Variants in PEX3 observed in about 807,000 individuals in gnomAD.
PEX3 encodes peroxin-3.
A neutral mutation model predicts 55.8 loss-of-function variants in PEX3; 30 were observed. That is an observed-to-expected ratio of 0.54 (90% CI 0.40 to 0.73). The LOEUF (loss-of-function observed/expected upper bound fraction) is 0.73. PEX3 is among the 30% of genes least tolerant of loss of function. PEX3 has a pLI of 0.00. For synonymous variants in PEX3, 135 were observed against 148.4 expected (o/e 0.91, Z 0.66); for missense variants, 351 against 432.8 (o/e 0.81, Z 1.68).
At chr6:143,480,896 C>T (rs1221552991) in intron 10 of PEX3, among the ~76,000 whole-genome samples, 4 of 152,036 alleles carry the variant, frequency 2.6e-5, no homozygotes, top group Non-Finnish European at 5.9e-5. Flanking sequence ...CCTGTAGTCC[C>T]AGCTAATTGG....
chr6:143,454,924 A>G lies in PEX3; in HGVS notation c.73+3809A>G, dbSNP rs749349616. 1.4e-4 allele frequency among the ~76,000 whole-genome samples: 22 copies of G among 152,254 alleles called. No homozygotes were observed. Among genetic ancestry groups the G allele is most frequent in the Non-Finnish European group, 2.6e-4 (18 of 68,044 alleles). ...TAGAGTACAGATTGTGAAGGGCCTTATGAAGCCATTCTACATAATTTGGAC... is the reference window on the plus strand; with the variant it reads ...TAGAGTACAGATTGTGAAGGGCCTTGTGAAGCCATTCTACATAATTTGGAC... On this transcript the variant is annotated intron_variant, in intron 1 of 11. Transcript: ENST00000367591. This position sits in a 1 kb window ranked among gnomAD's most constrained non-coding sequence, Gnocchi z 4.3.
chr6:143,472,387 CT>C lies in PEX3; in HGVS notation c.747+60del, dbSNP rs772589058. The stretch of plus-strand genomic sequence containing the variant: ...TACTCTATTCTTTTAAAATTTTACT[CT>C]CTTGAAATTTTGATTTCTGAGTCTC... On this transcript the variant is annotated intron_variant, in intron 8 of 11. Coordinates refer to ENST00000367591, the MANE Select transcript of PEX3 (RefSeq NM_003630.3). 1.4e-4 allele frequency: 179 copies of C among 1,258,586 alleles called. 1 individual carries two copies. Among genetic ancestry groups the C allele is most frequent in the Middle Eastern group, 2.2e-4 (1 of 4,520 alleles). 78.0% of individuals were successfully genotyped at this position (1,258,586 alleles called of 1,614,324 possible).
Position 143,489,384 on chromosome 6 carries a change from A to C in PEX3, c.*158A>C. 1 of 582,392 alleles carries C rather than the reference A, an allele frequency of 1.7e-6. No individual in the cohort carries two copies. The highest frequency in any genetic ancestry group is 2.0e-5 in the South Asian group (1 of 50,754). 36.1% of individuals were successfully genotyped at this position (582,392 alleles called of 1,614,324 possible). On this transcript the variant is annotated 3_prime_UTR_variant, in exon 12 of 12. Coordinates refer to ENST00000367591, the MANE Select transcript of PEX3 (RefSeq NM_003630.3). The surrounding 1 kb of genome is among the most constrained non-coding windows in gnomAD (Gnocchi z 5.5). ...TCATAATGAAATCAATTTATTTGGCATCTTAATATATTTTTTTAGATTCAT... is the reference window on the plus strand; with the variant it reads ...TCATAATGAAATCAATTTATTTGGCCTCTTAATATATTTTTTTAGATTCAT...
chr6:143,487,914 A>G lies in PEX3; in HGVS notation c.1039-1229A>G, dbSNP rs1780341532. 6.6e-6 allele frequency among the ~76,000 whole-genome samples: 1 copy of G among 152,152 alleles called. No individual in the cohort carries two copies. Among genetic ancestry groups the G allele is most frequent in the East Asian group, 1.9e-4 (1 of 5,206 alleles). On this transcript the variant is annotated intron_variant, in intron 11 of 11. Coordinates refer to ENST00000367591, the MANE Select transcript of PEX3 (RefSeq NM_003630.3). This position sits in a 1 kb window ranked among gnomAD's most constrained non-coding sequence, Gnocchi z 5.3. ...AACAAATGCCCTAAAATCAGGAACA[A>G]TAGTAGGTTATATATTTTATCTTCT...
rs1282068843 is a variant in PEX3 at position 143,454,578 on chromosome 6, C to G, written c.73+3463C>G. On this transcript the variant is annotated intron_variant, in intron 1 of 11. Transcript: ENST00000367591. The surrounding 1 kb of genome is among the most constrained non-coding windows in gnomAD (Gnocchi z 4.3). ...AAGTGACTGATCTCACTGTACTTTA[C>G]TCTGGAAATACAAAGGAATAAGACA... is the stretch of plus-strand genomic sequence containing the variant. 6.6e-6 allele frequency among the ~76,000 whole-genome samples: 1 copy of G among 152,192 alleles called. No individual in the cohort carries two copies. Among genetic ancestry groups the G allele is most frequent in the Non-Finnish European group, 1.5e-5 (1 of 68,036 alleles).
chr6:143,478,821 A>T (rs1265957671), intron 9 of PEX3, among the ~76,000 whole-genome samples: 1 of 152,134 alleles, frequency 6.6e-6, no homozygotes, highest in Non-Finnish European at 1.5e-5. Context: ...ACTAGTACTG[A>T]TATTTTTTAA....
chr6:143,459,500 A>AG lies in PEX3; in HGVS notation c.205+286dup, dbSNP rs1449093815. Among the ~76,000 whole-genome samples, 1 of 152,224 alleles carries AG rather than the reference A, an allele frequency of 6.6e-6. No homozygotes were observed. Among genetic ancestry groups the AG allele is most frequent in the Admixed American group, 6.5e-5 (1 of 15,276 alleles). ...CCTTTGGAGTTTATATTCTAGGGAG[A>AG]GGAAAAGATGATAAACAACAAATAA... On this transcript the variant is annotated intron_variant, in intron 2 of 11. Coordinates refer to ENST00000367591, the MANE Select transcript of PEX3 (RefSeq NM_003630.3). The surrounding 1 kb of genome is among the most constrained non-coding windows in gnomAD (Gnocchi z 4.2).
At chr6:143,468,943 A>C (rs1005709406) in intron 4 of PEX3, among the ~76,000 whole-genome samples, 3 of 151,530 alleles carry the variant, frequency 2.0e-5, no homozygotes, top group Non-Finnish European at 4.4e-5. Flanking sequence ...CTGTCCTTGC[A>C]ATAGTTTGCT....
At chr6:143,460,724 C>T (rs879863449) in intron 2 of PEX3, among the ~76,000 whole-genome samples, 4 of 151,864 alleles carry the variant, frequency 2.6e-5, no homozygotes, top group Admixed American at 6.6e-5. Context: ...ATTAGCCGGG[C>T]GTGGTGTTGC....
At chr6:143,457,663 A>G (rs1421004299) in intron 1 of PEX3, among the ~76,000 whole-genome samples, 1 of 152,200 alleles carries the variant, frequency 6.6e-6, no homozygotes, top group Non-Finnish European at 1.5e-5. Context: ...GTAGGTGAGC[A>G]TTAGTTAATT....
intron 4 of PEX3, among the ~76,000 whole-genome samples, chr6:143,470,097 G>A (rs954350142): frequency 6.6e-5 from 10 of 151,966 alleles, no homozygotes; most frequent in Admixed American, 1.3e-4. Context: ...CTACAGGTGC[G>A]TGCTGCCATG....
chr6:143,467,671 A>T (rs1584008121), intron 3 of PEX3, among the ~76,000 whole-genome samples: 1 of 152,172 alleles, frequency 6.6e-6, no homozygotes, highest in South Asian at 2.1e-4. Context: ...GAAGTGAAAG[A>T]TGGGCAGTTT....
chr6:143,474,646 G>A (rs1051939838), intron 8 of PEX3, 140 bp from the exon 9 acceptor site: 1 of 645,030 alleles, frequency 1.6e-6, no homozygotes, highest in Non-Finnish European at 2.8e-6. Flanking sequence ...TTATTTTGGT[G>A]GGGGAGGGTC....
In PEX3 at chr6:143,474,815, C is replaced by T; in HGVS notation, c.777C>T (p.Thr259=). The T allele has an allele frequency of 6.3e-7, 1 of 1,595,276 alleles. No homozygotes were observed. Among genetic ancestry groups the T allele is most frequent in the Non-Finnish European group, 8.6e-7 (1 of 1,163,098 alleles). ...QACGLSPRDI[T]TIKLLNETRD... is the part of the protein sequence containing the mutation. ...GTGGACTTTCTCCTCGAGACATTAC[C>T]ACTATTAAACTTCTCAATGAAACTA... Residue 259 remains threonine (T), a synonymous_variant, in exon 9 of 12, where the codon ACC becomes ACT. Transcript: ENST00000367591.
intron 10 of PEX3, among the ~76,000 whole-genome samples, chr6:143,481,059 AGTATATTATTTACGT>A (rs1780232887): frequency 6.6e-6 from 1 of 151,538 alleles, no homozygotes; most frequent in South Asian, 2.1e-4. Context: ...AAAGACACAA[AGTATATTATTTACGT>A]GTATTATAAT....
rs556334764 is a variant in PEX3, at chr6:143,454,108, T to C, written c.73+2993T>C. Among the ~76,000 whole-genome samples, 4 of 152,190 alleles carry C rather than the reference T, an allele frequency of 2.6e-5. No homozygotes were observed. In the South Asian group the frequency reaches 8.3e-4, roughly 32 times the overall value. On this transcript the variant is annotated intron_variant, in intron 1 of 11. Coordinates refer to ENST00000367591, the MANE Select transcript of PEX3 (RefSeq NM_003630.3). This position sits in a 1 kb window ranked among gnomAD's most constrained non-coding sequence, Gnocchi z 4.3. ...ATAACATTTTCAAAAAATTAATGAGTGTCATTGTTTTACATTTTGCAAATC... is the reference window on the plus strand; with the variant it reads ...ATAACATTTTCAAAAAATTAATGAGCGTCATTGTTTTACATTTTGCAAATC...
Position 143,459,212 on chromosome 6 carries a change from G to GAC in PEX3, c.203_204dup (p.Val69GlnfsTer9). ...AAAGTAACCAGAGGACTTGCAATATGACAGGTAAGACAGAGAAATATTTAT... is the reference window on the plus strand; with the variant it reads ...AAAGTAACCAGAGGACTTGCAATATGACACAGGTAAGACAGAGAAATATTTAT... On this transcript the variant is annotated frameshift_variant, in exon 2 of 12. Transcript: ENST00000367591. LOFTEE classifies it high-confidence loss of function. The surrounding 1 kb of genome is among the most constrained non-coding windows in gnomAD (Gnocchi z 4.2). The GAC allele has an allele frequency of 6.2e-6, 10 of 1,611,872 alleles. No homozygotes were observed. The highest frequency in any genetic ancestry group is 5.1e-6 in the Non-Finnish European group (6 of 1,178,154).
rs1780335337 is a variant in PEX3, at chr6:143,487,379, T to C, written c.1039-1764T>C. ...GGGTGACAGCATGCCCATTGGTTTA[T>C]GTGTTGTTTATGGCTGCTTTTGCAC... is the stretch of plus-strand genomic sequence containing the variant. On this transcript the variant is annotated intron_variant, in intron 11 of 11. Transcript: ENST00000367591. This position sits in a 1 kb window ranked among gnomAD's most constrained non-coding sequence, Gnocchi z 5.3. Among the ~76,000 whole-genome samples, 1 of 152,190 alleles carries C rather than the reference T, an allele frequency of 6.6e-6. No homozygotes were observed. Among genetic ancestry groups the C allele is most frequent in the Non-Finnish European group, 1.5e-5 (1 of 68,016 alleles).
chr6:143,470,749 G>A (rs1780062718), intron 4 of PEX3, among the ~76,000 whole-genome samples: 4 of 151,978 alleles, frequency 2.6e-5, no homozygotes, highest in Admixed American at 2.6e-4. Context: ...ATATTTCATT[G>A]GTTATTGTTT....
Sources: gnomAD v4.1 joint callset for allele counts (sites outside exome capture counted in the v4.1 genomes callset) on GRCh38, gnomAD v4.1.1 for gene constraint, Gnocchi (gnomAD v3.1) non-coding constraint, MANE v1.5 for transcripts, NCBI Gene and HGNC (gene_info 2026-07-23, HGNC 2026-07-21) for gene names.